Variants in SNED1 observed in about 807,000 individuals in gnomAD.
SNED1 encodes sushi, nidogen and EGF like domains 1.
A neutral mutation model predicts 166.7 loss-of-function variants in SNED1; 81 were observed. The observed-to-expected ratio is 0.49, with a 90% CI of 0.41 to 0.58. The LOEUF (loss-of-function observed/expected upper bound fraction) is 0.58, where lower values mean the gene tolerates loss of function less well. Among genes scored for constraint, SNED1 ranks in the 20% least tolerant of loss-of-function variants. The pLI, the probability that SNED1 is intolerant of heterozygous loss-of-function variation, is 0.00. For missense variants in SNED1, 1,604 were observed against 2,000.2 expected (o/e 0.80, Z 3.78); for synonymous variants, 762 against 822.0 (o/e 0.93, Z 1.25).
chr2:241,030,428 G>C lies in SNED1; in HGVS notation c.358G>C (p.Glu120Gln), dbSNP rs2061131305. The C allele has an allele frequency of 6.2e-7, 1 of 1,613,422 alleles. No homozygotes were observed. The highest frequency in any genetic ancestry group is 8.5e-7 in the Non-Finnish European group (1 of 1,179,820). ...NRRAGDVYYR[E>Q]ATDPAMLRRA... The stretch of plus-strand genomic sequence containing the variant: ...GCGTGCAGGCGACGTGTACTACCGG[G>C]AGGCCACCGACCCAGCCATGCTGCG... Residue 120 changes from glutamate (E) to glutamine (Q), a missense_variant, in exon 2 of 32, where the codon GAG becomes CAG. Transcript: ENST00000310397.
At position 241,048,716 on chromosome 2, in the gene SNED1, C is replaced by G; in HGVS notation, c.1454C>G (p.Thr485Ser). Residue 485 changes from threonine to serine, a missense_variant, in exon 10 of 32, where the codon ACC (threonine) becomes AGC (serine). By Grantham distance (58) the Thr-to-Ser change is moderately conservative. This residue lies in a region of SNED1 where 1,237 missense variants were observed against 1,620.8 expected (regional missense o/e 0.76). Coordinates refer to ENST00000310397, the MANE Select transcript of SNED1 (RefSeq NM_001080437.3). The stretch of plus-strand genomic sequence containing the variant: ...GGAGGCAGATGCCTGGGCGCCAACA[C>G]CACCCTCTGCCAGTGCCCCCTGGGA... The part of the protein sequence containing the change: ...RNGGRCLGAN[T>S]TLCQCPLGFF... 1.2e-6 allele frequency: 2 copies of G among 1,612,990 alleles called. No homozygotes were observed. The highest frequency in any genetic ancestry group is 1.7e-6 in the Non-Finnish European group (2 of 1,179,596).
chr2:241,024,317 C>G (rs2060876040), intron 1 of SNED1, among the ~76,000 whole-genome samples: 1 of 122,838 alleles, frequency 8.1e-6, no homozygotes, highest in Non-Finnish European at 1.6e-5. Context: ...GCTATCTTGG[C>G]TCACTGCAAC....
chr2:241,057,740 T>C (rs2062104729), intron 16 of SNED1, among the ~76,000 whole-genome samples: 1 of 152,082 alleles, frequency 6.6e-6, no homozygotes, highest in African/African-American at 2.4e-5. Context: ...TCAGTCAAAT[T>C]GTTATTCAAA....
intron 27 of SNED1, among the ~76,000 whole-genome samples, chr2:241,078,619 G>C (rs76474602): frequency 0.018 from 2,757 of 151,750 alleles, 153 homozygotes; most frequent in African/African-American, 0.063. Flanking sequence ...TACATTAGCG[G>C]TTGCTCAGGA....
At position 241,018,932 on chromosome 2, in the gene SNED1, C is replaced by A. The variant is rs2060683527; in HGVS notation, c.214-11352C>A. Among the ~76,000 whole-genome samples, 2 of 152,188 alleles carry A rather than the reference C, an allele frequency of 1.3e-5. No homozygotes were observed. The highest frequency in any genetic ancestry group is 1.3e-4 in the Admixed American group (2 of 15,294). On this transcript the variant is annotated intron_variant, in intron 1 of 31. Transcript: ENST00000310397. This position sits in a 1 kb window ranked among gnomAD's most constrained non-coding sequence, Gnocchi z 5.4. Reference sequence around the variant, plus strand: ...TATCAGGCCCAGAAACGGTCAGGGCCAAACCTCAAGGCTTCCAGGTAGGTC... The same window carrying A: ...TATCAGGCCCAGAAACGGTCAGGGCAAAACCTCAAGGCTTCCAGGTAGGTC...
intron 1 of SNED1, among the ~76,000 whole-genome samples, chr2:241,020,733 G>A (rs1421787727): frequency 1.3e-5 from 2 of 152,330 alleles, no homozygotes; most frequent in African/African-American, 2.4e-5. Context: ...TAAAGGGGGT[G>A]CAGTGGAGTA....
intron 8 of SNED1, among the ~76,000 whole-genome samples, chr2:241,043,096 G>A (rs1413319808): frequency 2.6e-5 from 4 of 152,364 alleles, no homozygotes; most frequent in Non-Finnish European, 4.4e-5. Flanking sequence ...GGAGATGGGT[G>A]TGGAAAGGAG....
chr2:241,065,472 T>TC lies in SNED1; in HGVS notation c.2889dup (p.Ser964LeufsTer25). ...CACAGACTTTGTGGACAGGACCCGC[T>TC]CCTCGCACCAGCTCCAGGCCCTGGC... On this transcript the variant is annotated frameshift_variant, in exon 21 of 32. Coordinates refer to ENST00000310397, the MANE Select transcript of SNED1 (RefSeq NM_001080437.3). LOFTEE classifies it high-confidence loss of function. 6.2e-7 allele frequency: 1 copy of TC among 1,612,960 alleles called. No homozygotes were observed. Among genetic ancestry groups the TC allele is most frequent in the East Asian group, 2.2e-5 (1 of 44,876 alleles).
chr2:241,048,440 A>G lies in SNED1; in HGVS notation c.1399A>G (p.Arg467Gly), dbSNP rs1374091848. 4 of 1,598,396 alleles carry G rather than the reference A, an allele frequency of 2.5e-6. No individual in the cohort carries two copies. Among genetic ancestry groups the G allele is most frequent in the Non-Finnish European group, 3.4e-6 (4 of 1,173,120 alleles). Residue 467 changes from arginine to glycine, a missense_variant and splice_region_variant, in exon 9 of 32, where the codon AGA becomes GGA. Around this residue, in one of 2 missense-constraint regions of SNED1, gnomAD observed 1,237 missense variants for 1,620.8 expected, o/e 0.76. Coordinates refer to ENST00000310397, the MANE Select transcript of SNED1 (RefSeq NM_001080437.3). The stretch of plus-strand genomic sequence containing the variant: ...CTTCATGGGCCTGGACTGCAGGGAG[A>G]GTGCGTCTGGGCTGCAAGGGCTGCC... ...EGFMGLDCRE[R>G]VPDDCECRNG...
chr2:241,024,642 C>CTTATTTTATCTTATT (rs2060892276), intron 1 of SNED1, among the ~76,000 whole-genome samples: 1 of 71,378 alleles, frequency 1.4e-5, no homozygotes, highest in African/African-American at 7.3e-5. Context: ...TTAATCATGC[C>CTTATTTTATCTTATT]TTATTTTATC....
chr2:241,049,770 C>A, intron 11 of SNED1, 47 bp from the exon 12 acceptor site: 3 of 1,476,602 alleles, frequency 2.0e-6, no homozygotes, highest in South Asian at 1.1e-5. Context: ...GCCGCCCGCA[C>A]AGATGCGGCG....
chr2:241,029,597 C>G (rs2061097477), intron 1 of SNED1, among the ~76,000 whole-genome samples: 1 of 152,250 alleles, frequency 6.6e-6, no homozygotes, highest in African/African-American at 2.4e-5. Context: ...AAAACCAGAG[C>G]ACAGAGAGGT....
chr2:241,012,825 CTTTTTTT>C (rs59199140), intron 1 of SNED1, among the ~76,000 whole-genome samples: 1 of 134,880 alleles, frequency 7.4e-6, no homozygotes, highest in Non-Finnish European at 1.6e-5. Flanking sequence ...TTTTTTTTTT[CTTTTTTT>C]TTTTTTTTTG....
intron 15 of SNED1, 130 bp downstream of exon 15, chr2:241,052,598 G>T (rs937249580): frequency 2.7e-6 from 2 of 743,952 alleles, no homozygotes; most frequent in South Asian, 3.3e-5. Flanking sequence ...GGCCAAGCAG[G>T]ATATATGGGA....
chr2:241,046,655 C>G (rs1209983789), intron 8 of SNED1, among the ~76,000 whole-genome samples: 3 of 152,138 alleles, frequency 2.0e-5, no homozygotes, highest in African/African-American at 4.8e-5. Context: ...AACAGGAGCT[C>G]TGTGACTCTG....
At chr2:241,083,647 T>C (rs1478503831) in intron 29 of SNED1, among the ~76,000 whole-genome samples, 3 of 152,232 alleles carry the variant, frequency 2.0e-5, no homozygotes, top group Non-Finnish European at 4.4e-5. Context: ...ATCTGCCATC[T>C]TCCCGCTGTG....
At chr2:241,076,608 T>C (rs1263914487) in intron 27 of SNED1, among the ~76,000 whole-genome samples, 1 of 152,182 alleles carries the variant, frequency 6.6e-6, no homozygotes, top group Non-Finnish European at 1.5e-5. Context: ...ACACCTGTAA[T>C]CCCAGCACTT....
rs149578862 is a variant in SNED1, at chr2:241,031,783, T to C, written c.501+1212T>C. On this transcript the variant is annotated intron_variant, in intron 2 of 31. Transcript: ENST00000310397. The stretch of plus-strand genomic sequence containing the variant: ...GTGTTAGCACTTACGTTCGCCTTCC[T>C]GAAGCAGAGCACGTAGTTTCTCTAA... Among the ~76,000 whole-genome samples, 1,142 of 152,356 alleles carry C rather than the reference T, an allele frequency of 7.5e-3. 11 individuals carry two copies. The highest frequency in any genetic ancestry group is 9.7e-3 in the Non-Finnish European group (662 of 68,030).
In SNED1 at chr2:241,013,676, T is replaced by C. The variant is rs753949611; in HGVS notation, c.213+14626T>C. ...ATTTTAGATTCCACATATAAGTGTC[T>C]TTCTGCGCCTGGCTTATTTCACTGA... On this transcript the variant is annotated intron_variant, in intron 1 of 31. Transcript: ENST00000310397. This position sits in a 1 kb window ranked among gnomAD's most constrained non-coding sequence, Gnocchi z 4.6. 1.6e-4 allele frequency among the ~76,000 whole-genome samples: 24 copies of C among 152,162 alleles called. 1 individual carries two copies. The highest frequency in any genetic ancestry group is 8.3e-4 in the South Asian group (4 of 4,828).
Sources: gnomAD v4.1 joint callset for allele counts (sites outside exome capture counted in the v4.1 genomes callset) on GRCh38, gnomAD v4.1.1 for gene constraint, gnomAD v4.1.1 regional missense constraint, Gnocchi (gnomAD v3.1) non-coding constraint, MANE v1.5 for transcripts, NCBI Gene and HGNC (gene_info 2026-07-23, HGNC 2026-07-21) for gene names.